The following TTLL5 variants were observed in gnomAD, a reference collection of about 807,000 sequenced individuals.
TTLL5 encodes the protein tubulin polyglutamylase TTLL5.
Under a neutral mutation model 168.4 loss-of-function variants are expected in TTLL5, and 132 were observed. That is an observed-to-expected ratio of 0.78 (90% confidence interval 0.68 to 0.91). TTLL5 has a LOEUF of 0.91. Among genes scored for constraint, TTLL5 ranks in the 40% least tolerant of loss-of-function variants. TTLL5 has a pLI of 0.00. For synonymous variants in TTLL5, 546 were observed against 558.6 expected, an observed-to-expected ratio of 0.98 and a Z score of 0.32; for missense variants, 1,545 against 1,581.5, an observed-to-expected ratio of 0.98 and a Z score of 0.39.
intron 29 of TTLL5, among the ~76,000 whole-genome samples, chr14:75,874,804 ATG>A (rs1468297425): frequency 6.6e-6 from 1 of 151,854 alleles, no homozygotes; most frequent in Non-Finnish European, 1.5e-5. Context: ...AACAACCTGA[ATG>A]TGTGTGTGTA....
At chr14:75,805,118 C>G (rs1001560896) in intron 27 of TTLL5, among the ~76,000 whole-genome samples, 1 of 152,168 alleles carries the variant, frequency 6.6e-6, no homozygotes, top group Non-Finnish European at 1.5e-5. Flanking sequence ...ATTTGTCCAT[C>G]TCTCTCTCAA....
intron 10 of TTLL5, among the ~76,000 whole-genome samples, chr14:75,718,893 G>T (rs1156897102): frequency 6.6e-6 from 1 of 152,208 alleles, no homozygotes; most frequent in Non-Finnish European, 1.5e-5. Flanking sequence ...AGAAAGAAAG[G>T]AATCTGGAAG....
intron 2 of TTLL5, among the ~76,000 whole-genome samples, chr14:75,668,843 C>T (rs1883495971): frequency 6.6e-6 from 1 of 152,146 alleles, no homozygotes; most frequent in Non-Finnish European, 1.5e-5. Context: ...AGGATTACAA[C>T]ATAATCCAAA....
chr14:75,900,950 T>G (rs2032897750), intron 30 of TTLL5, among the ~76,000 whole-genome samples: 2 of 152,240 alleles, frequency 1.3e-5, no homozygotes, highest in South Asian at 4.1e-4. Context: ...CAGGAAATGC[T>G]TGATAAATAT....
chr14:75,790,865 G>A (rs2140346868), intron 26 of TTLL5, among the ~76,000 whole-genome samples: 1 of 149,674 alleles, frequency 6.7e-6, no homozygotes, highest in Admixed American at 6.6e-5. Flanking sequence ...GGGAGGCCAA[G>A]GCAGACGGAT....
At chr14:75,760,823 A>G (rs571797842) in intron 18 of TTLL5, among the ~76,000 whole-genome samples, 1 of 152,232 alleles carries the variant, frequency 6.6e-6, no homozygotes, top group Admixed American at 6.5e-5. Flanking sequence ...AAAACATAAT[A>G]TCTTTGTGAC....
chr14:75,761,039 TA>T lies in TTLL5; in HGVS notation c.1551-3571del, dbSNP rs147275173. On this transcript the variant is annotated intron_variant, in intron 18 of 31. Coordinates refer to ENST00000298832, the MANE Select transcript of TTLL5 (RefSeq NM_015072.5). ...ATCAAGAACTCCTACAACTCAATAA[TA>T]AAAAGACCATCAACCCAATTACAAA... Among the ~76,000 whole-genome samples, 1,339 of 152,094 alleles carry T rather than the reference TA, an allele frequency of 8.8e-3. 18 individuals carry two copies. The highest frequency in any genetic ancestry group is 0.031 in the African/African-American group (1,273 of 41,504).
At chr14:75,683,701 C>A in intron 5 of TTLL5, 45 bp downstream of exon 5, 1 of 1,466,628 alleles carries the variant, frequency 6.8e-7, no homozygotes, top group Non-Finnish European at 9.5e-7. Flanking sequence ...AGGTACATGA[C>A]ATTGGGGCAT....
At chr14:75,934,559 T>A (rs1446364033) in intron 31 of TTLL5, among the ~76,000 whole-genome samples, 10 of 152,148 alleles carry the variant, frequency 6.6e-5, no homozygotes, top group Non-Finnish European at 1.3e-4. Flanking sequence ...AGAGAAAAGG[T>A]ATTATCAATA....
intron 23 of TTLL5, 40 bp from the exon 24 acceptor site, chr14:75,779,535 A>G: frequency 6.3e-7 from 1 of 1,593,576 alleles, no homozygotes; most frequent in Non-Finnish European, 8.5e-7. Context: ...ATTTTCCAGA[A>G]TAGCTTCCTG....
chr14:75,790,148 G>C (rs902431417), intron 26 of TTLL5, among the ~76,000 whole-genome samples: 11 of 152,150 alleles, frequency 7.2e-5, no homozygotes, highest in Admixed American at 7.2e-4. Flanking sequence ...TCCCCACAGA[G>C]AAAGATGAAA....
At chr14:75,954,306 A>T in intron 31 of TTLL5, 118 bp from the exon 32 acceptor site, 8 of 854,978 alleles carry the variant, frequency 9.4e-6, no homozygotes, top group Non-Finnish European at 1.3e-5. Flanking sequence ...AACTTCATTT[A>T]TTTGGGCCAC....
At chr14:75,701,990 C>T (rs1287436994) in intron 7 of TTLL5, among the ~76,000 whole-genome samples, 4 of 152,178 alleles carry the variant, frequency 2.6e-5, no homozygotes, top group African/African-American at 9.7e-5. Flanking sequence ...CTTAAATTCC[C>T]CACTTGTCTT....
chr14:75,767,471 T>A (rs1891035376), intron 20 of TTLL5, among the ~76,000 whole-genome samples: 1 of 152,224 alleles, frequency 6.6e-6, no homozygotes, highest in Non-Finnish European at 1.5e-5. Flanking sequence ...AGGTAAGTCC[T>A]GAATGATGAG....
In TTLL5 at chr14:75,717,961, A is replaced by C. The variant is rs768023156; in HGVS notation, c.841A>C (p.Ser281Arg). 1 of 1,613,128 alleles carries C rather than the reference A, an allele frequency of 6.2e-7. No homozygotes were observed. Among genetic ancestry groups the C allele is most frequent in the Non-Finnish European group, 8.5e-7 (1 of 1,179,706 alleles). The change falls in exon 10 of 32, where the codon AGT becomes CGT. Residue 281 changes from serine (S) to arginine (R), a missense_variant and splice_region_variant. Ser to Arg is a moderately radical substitution (Grantham distance 110, BLOSUM62 -1). Transcript: ENST00000298832. The stretch of plus-strand genomic sequence containing the variant: ...CAACAAGAAAAGTGGAGATTACGTC[A>C]GGTACTGGCTGTGTCTGAGCCAGAA... Reference protein sequence around the residue: ...SVNKKSGDYVSCDDPEVEDYG... With the variant: ...SVNKKSGDYVRCDDPEVEDYG...
chr14:75,813,270 T>TG (rs1894172232), intron 27 of TTLL5, among the ~76,000 whole-genome samples: 1 of 130,618 alleles, frequency 7.7e-6, no homozygotes, highest in African/African-American at 2.9e-5. Context: ...GTGTGTGTGT[T>TG]TGTGTGTGTG....
chr14:75,811,496 G>A lies in TTLL5; in HGVS notation c.3172-8511G>A, dbSNP rs1894027284. Among the ~76,000 whole-genome samples, 4 of 152,042 alleles carry A rather than the reference G, an allele frequency of 2.6e-5. No homozygotes were observed. In the South Asian group the frequency reaches 8.3e-4, roughly 32 times the overall value. ...ATGCCATTTTTTAATTTCTTTAGCT[G>A]TTCTTTTATGGCACTTACTGCATTC... is the stretch of plus-strand genomic sequence containing the variant. On this transcript the variant is annotated intron_variant, in intron 27 of 31. Coordinates refer to ENST00000298832, the MANE Select transcript of TTLL5 (RefSeq NM_015072.5).
chr14:75,855,922 A>G (rs1897103902), intron 28 of TTLL5, among the ~76,000 whole-genome samples: 1 of 152,232 alleles, frequency 6.6e-6, no homozygotes, highest in East Asian at 1.9e-4. Context: ...AAATAGGAAA[A>G]TATGACCTAT....
At position 75,892,221 on chromosome 14, in the gene TTLL5, C is replaced by T. The variant is rs370913681; in HGVS notation, c.3740+9319C>T. ...TTCACACTTTCACATCCATTTCCCC[C>T]CTGTGCTGCAAATACATAGCTATGA... On this transcript the variant is annotated intron_variant, in intron 30 of 31. Transcript: ENST00000298832. Among the ~76,000 whole-genome samples the T allele has an allele frequency of 4.6e-5, 7 of 152,338 alleles. No individual in the cohort carries two copies. In the South Asian group the frequency reaches 1.5e-3, roughly 32 times the overall value.
Sources: allele counts gnomAD v4.1 joint callset (sites outside exome capture counted in the v4.1 genomes callset), GRCh38; gene constraint gnomAD v4.1.1; transcripts MANE v1.5; gene names NCBI Gene and HGNC (gene_info 2026-07-23, HGNC 2026-07-21).